The following TRAPPC8 variants were observed in gnomAD, a reference collection of about 807,000 sequenced individuals.
TRAPPC8 encodes trafficking protein particle complex subunit 8.
In TRAPPC8, 54 loss-of-function variants were observed where a neutral mutation model predicts 174.3. The observed-to-expected ratio is 0.31, with a 90% CI of 0.25 to 0.39. The LOEUF is 0.39. TRAPPC8 is among the 10% of genes least tolerant of loss of function. The probability of loss-of-function intolerance (pLI) is 1.00; values close to 1 mark genes in which losing one functional copy is unlikely to be tolerated. For missense variants in TRAPPC8, 1,531 were observed against 1,699.1 expected (o/e 0.90, Z 1.74); for synonymous variants, 630 against 579.9 (o/e 1.09, Z -1.24).
intron 14 of TRAPPC8, 82 bp downstream of exon 14, chr18:31,873,348 C>T: frequency 8.6e-7 from 1 of 1,158,664 alleles, no homozygotes; most frequent in Non-Finnish European, 1.2e-6. Flanking sequence ...TTCAACTATA[C>T]ATCGTTTTTT....
chr18:31,884,411 T>G (rs1897048173), intron 12 of TRAPPC8, among the ~76,000 whole-genome samples: 1 of 152,242 alleles, frequency 6.6e-6, no homozygotes, highest in South Asian at 2.1e-4. Context: ...TATTTATGTG[T>G]GTGTATATAT....
intron 20 of TRAPPC8, among the ~76,000 whole-genome samples, chr18:31,856,351 G>A (rs1262717244): frequency 6.6e-6 from 1 of 151,962 alleles, no homozygotes; most frequent in East Asian, 1.9e-4. Context: ...AGGATATTTA[G>A]GGTTAATGTG....
intron 14 of TRAPPC8, among the ~76,000 whole-genome samples, chr18:31,872,246 C>G (rs1454700078): frequency 6.6e-6 from 1 of 151,950 alleles, no homozygotes; most frequent in Non-Finnish European, 1.5e-5. Flanking sequence ...TAATGAAGAG[C>G]TTAATATATT....
chr18:31,861,908 G>C (rs2034341166), intron 19 of TRAPPC8, among the ~76,000 whole-genome samples: 1 of 108,938 alleles, frequency 9.2e-6, no homozygotes, highest in South Asian at 3.5e-4. Context: ...CTGGGTGACA[G>C]AGCGATCCCG....
In TRAPPC8 at chr18:31,918,435, T is replaced by C. The variant is rs150878752; in HGVS notation, c.353-768A>G. ...TAGCATAGAGGTTCTCAACTGAGCA[T>C]GATTTTGACCCCCAGGAAACATCTG... is the stretch of plus-strand genomic sequence containing the variant. On this transcript the variant is annotated intron_variant, in intron 2 of 28. Coordinates refer to ENST00000283351, the MANE Select transcript of TRAPPC8 (RefSeq NM_014939.5). Among the ~76,000 whole-genome samples the C allele has an allele frequency of 6.6e-5, 10 of 152,322 alleles. No homozygotes were observed. The East Asian group carries it at 1.9e-3, about 29-fold the overall frequency.
chr18:31,934,806 G>A (rs1204979459), intron 1 of TRAPPC8, among the ~76,000 whole-genome samples: 1 of 151,602 alleles, frequency 6.6e-6, no homozygotes, highest in Non-Finnish European at 1.5e-5. Flanking sequence ...GGCAGAGGTT[G>A]CACTGAGCCG....
intron 12 of TRAPPC8, among the ~76,000 whole-genome samples, chr18:31,879,480 G>A (rs2035313863): frequency 6.6e-6 from 1 of 152,116 alleles, no homozygotes; most frequent in Non-Finnish European, 1.5e-5. Context: ...CAAAAGCAGT[G>A]TTAAGAGGAA....
At chr18:31,915,639 G>A (rs2037106524) in intron 4 of TRAPPC8, among the ~76,000 whole-genome samples, 1 of 152,104 alleles carries the variant, frequency 6.6e-6, no homozygotes, top group South Asian at 2.1e-4. Flanking sequence ...GCTCACGCCT[G>A]TAATCCCAGC....
intron 26 of TRAPPC8, among the ~76,000 whole-genome samples, chr18:31,840,565 G>A (rs1947582723): frequency 6.6e-6 from 1 of 152,020 alleles, no homozygotes; most frequent in African/African-American, 2.4e-5. Context: ...ATCTATACCA[G>A]CAATTGGCAA....
intron 1 of TRAPPC8, among the ~76,000 whole-genome samples, chr18:31,939,011 C>T (rs762123145): frequency 5.1e-5 from 7 of 136,234 alleles, no homozygotes; most frequent in Admixed American, 2.6e-4. Context: ...ACCCGGGAGG[C>T]GGAGCTTGCA....
chr18:31,880,493 T>C (rs2035393629), intron 12 of TRAPPC8, among the ~76,000 whole-genome samples: 1 of 151,872 alleles, frequency 6.6e-6, no homozygotes, highest in South Asian at 2.1e-4. Context: ...GTAAGAAACA[T>C]ACCTAAAAAT....
chr18:31,932,262 G>C (rs1184133526), intron 1 of TRAPPC8, among the ~76,000 whole-genome samples: 1 of 151,896 alleles, frequency 6.6e-6, no homozygotes, highest in African/African-American at 2.4e-5. Flanking sequence ...CTTGTCTCTA[G>C]TAAAAATACA....
intron 9 of TRAPPC8, among the ~76,000 whole-genome samples, chr18:31,904,597 C>A (rs980504819): frequency 6.6e-6 from 1 of 152,126 alleles, no homozygotes; most frequent in Non-Finnish European, 1.5e-5. Flanking sequence ...CTGATAGTTC[C>A]ATGAATGACA....
intron 12 of TRAPPC8, among the ~76,000 whole-genome samples, chr18:31,876,997 C>T (rs1470791185): frequency 2.6e-5 from 4 of 152,222 alleles, no homozygotes; most frequent in African/African-American, 9.6e-5. Flanking sequence ...ACTGCTGTGA[C>T]ATTAGCAAGT....
chr18:31,901,733 G>A (rs1335507904), intron 9 of TRAPPC8, among the ~76,000 whole-genome samples: 3 of 152,228 alleles, frequency 2.0e-5, no homozygotes, highest in African/African-American at 7.2e-5. Flanking sequence ...AGACCCCAGG[G>A]AGGTCTTCAC....
intron 20 of TRAPPC8, among the ~76,000 whole-genome samples, chr18:31,857,066 G>A (rs2034060039): frequency 6.6e-6 from 1 of 152,084 alleles, no homozygotes; most frequent in Non-Finnish European, 1.5e-5. Context: ...ATCATCTATT[G>A]TAACACCATT....
At chr18:31,875,302 A>G (rs2035087318) in intron 12 of TRAPPC8, among the ~76,000 whole-genome samples, 1 of 149,870 alleles carries the variant, frequency 6.7e-6, no homozygotes, top group Non-Finnish European at 1.5e-5. Context: ...AGTTTTCCAC[A>G]GTACAAATAA....
intron 27 of TRAPPC8, chr18:31,833,442 T>C (rs12959996): frequency 0.26 from 39,318 of 152,104 alleles, 5,374 homozygotes; most frequent in Middle Eastern, 0.38. Flanking sequence ...CCACTCCCAA[T>C]GTTCTTCACA....
chr18:31,917,478 A>G lies in TRAPPC8; in HGVS notation c.442+100T>C, dbSNP rs948026042. On this transcript the variant is annotated intron_variant, in intron 3 of 28. Coordinates refer to ENST00000283351, the MANE Select transcript of TRAPPC8 (RefSeq NM_014939.5). ...TCAATCTATAAAAAATAATTTATCT[A>G]TTCTCTGTATCTTCAACAATTTTGC... 48 of 1,001,954 alleles carry G rather than the reference A, an allele frequency of 4.8e-5. No homozygotes were observed. In the South Asian group the frequency reaches 7.8e-4, roughly 16 times the overall value. 62.1% of individuals were successfully genotyped at this position (1,001,954 alleles called of 1,614,324 possible).
Sources: gnomAD v4.1 joint callset for allele counts (sites outside exome capture counted in the v4.1 genomes callset) on GRCh38, gnomAD v4.1.1 for gene constraint, MANE v1.5 for transcripts, NCBI Gene and HGNC (gene_info 2026-07-23, HGNC 2026-07-21) for gene names.